Variants in PTPN14 observed in about 807,000 individuals in gnomAD.
PTPN14 encodes the protein tyrosine-protein phosphatase non-receptor type 14.
PTPN14 carries 53 observed loss-of-function variants against 126.8 expected under a neutral mutation model. The ratio of observed to expected loss-of-function variants is 0.42; its 90% CI spans 0.34 to 0.53. The LOEUF (loss-of-function observed/expected upper bound fraction) is 0.53. PTPN14 is among the 20% of genes least tolerant of loss of function. PTPN14 has a pLI of 0.08. For missense variants in PTPN14, 1,257 were observed against 1,552.9 expected (o/e 0.81, Z 3.20); for synonymous variants, 630 against 599.3 (o/e 1.05, Z -0.75).
intron 3 of PTPN14, among the ~76,000 whole-genome samples, chr1:214,424,037 C>A (rs1350788894): frequency 1.3e-5 from 2 of 151,456 alleles, no homozygotes; most frequent in Non-Finnish European, 2.9e-5. Context: ...GTGGCTCATG[C>A]CTGTAATCCC....
intron 1 of PTPN14, among the ~76,000 whole-genome samples, chr1:214,548,186 T>A (rs1348237551): frequency 1.3e-5 from 2 of 152,094 alleles, no homozygotes; most frequent in Non-Finnish European, 2.9e-5. Flanking sequence ...CCATCCAACA[T>A]CACACAGCTA....
intron 2 of PTPN14, among the ~76,000 whole-genome samples, chr1:214,461,450 C>T (rs4655348): frequency 0.83 from 125,806 of 151,776 alleles, 52,247 homozygotes; most frequent in African/African-American, 0.89. Context: ...CTGGGCAATA[C>T]AGTGAGATCC....
intron 17 of PTPN14, among the ~76,000 whole-genome samples, chr1:214,365,584 T>A (rs75371392): frequency 0.019 from 2,821 of 152,198 alleles, 89 homozygotes; most frequent in African/African-American, 0.064. Context: ...AAGGCAAAAG[T>A]GTAAACCAGA....
At position 214,411,696 on chromosome 1, in the gene PTPN14, C is replaced by T; in HGVS notation, c.498G>A (p.Val166=). ...AAATTACACTTACCATAGGAAATAG[C>T]ACATACTCTCTGAGGAAATCTTGAG... ...FDSQDFLREY[V]LFPMDLALEE... Residue 166 remains valine, a synonymous_variant, in exon 5 of 19, where the codon GTG becomes GTA. Transcript: ENST00000366956. 2.0e-6 allele frequency: 3 copies of T among 1,503,950 alleles called. No homozygotes were observed. Among genetic ancestry groups the T allele is most frequent in the Non-Finnish European group, 2.8e-6 (3 of 1,090,014 alleles). The allele number at this position is 1,503,950 out of a possible 1,614,324, so 93.2% of individuals were successfully genotyped here.
intron 3 of PTPN14, among the ~76,000 whole-genome samples, chr1:214,435,024 T>C (rs1167191276): frequency 1.3e-5 from 2 of 152,216 alleles, no homozygotes; most frequent in African/African-American, 2.4e-5. Context: ...GAATTTGTAT[T>C]GGGCTGCATT....
At chr1:214,432,232 C>T (rs967531853) in intron 3 of PTPN14, among the ~76,000 whole-genome samples, 2 of 151,882 alleles carry the variant, frequency 1.3e-5, no homozygotes, top group African/African-American at 4.8e-5. Context: ...TAAATAAATG[C>T]CACAATACTT....
intron 3 of PTPN14, among the ~76,000 whole-genome samples, chr1:214,425,960 T>C (rs1297499607): frequency 1.4e-5 from 2 of 147,124 alleles, no homozygotes; most frequent in African/African-American, 5.0e-5. Flanking sequence ...TACAGTCAAG[T>C]GCTCTTTTAT....
chr1:214,464,610 C>T lies in PTPN14; in HGVS notation c.174+20G>A, dbSNP rs1269581553. The T allele has an allele frequency of 5.6e-6, 9 of 1,611,758 alleles. No homozygotes were observed. Among genetic ancestry groups the T allele is most frequent in the Non-Finnish European group, 7.6e-6 (9 of 1,178,058 alleles). ...ACACGCATGCACGCGCACATGCGCA[C>T]ACAGACACACCCCTCTTACCTCTCG... is the stretch of plus-strand genomic sequence containing the variant. On this transcript the variant is annotated intron_variant, in intron 2 of 18. Coordinates refer to ENST00000366956, the MANE Select transcript of PTPN14 (RefSeq NM_005401.5).
At chr1:214,452,118 G>T (rs1660285551) in intron 2 of PTPN14, 144 bp from the exon 3 acceptor site, 2 of 876,374 alleles carry the variant, frequency 2.3e-6, no homozygotes, top group South Asian at 1.8e-5. Flanking sequence ...ATAACTTTGG[G>T]ACTAATCAAA....
At chr1:214,433,581 T>A (rs1045521395) in intron 3 of PTPN14, among the ~76,000 whole-genome samples, 3 of 151,860 alleles carry the variant, frequency 2.0e-5, no homozygotes, top group Non-Finnish European at 4.4e-5. Flanking sequence ...ATAGTCGTCA[T>A]CACCACTCTG....
intron 18 of PTPN14, among the ~76,000 whole-genome samples, chr1:214,361,156 G>T (rs1448199081): frequency 2.0e-5 from 3 of 152,140 alleles, no homozygotes; most frequent in African/African-American, 7.2e-5. Flanking sequence ...ATAGCAGTGT[G>T]AGAATGGACT....
At chr1:214,395,887 C>T (rs1217943115) in intron 8 of PTPN14, among the ~76,000 whole-genome samples, 8 of 152,084 alleles carry the variant, frequency 5.3e-5, no homozygotes, top group Non-Finnish European at 8.8e-5. Flanking sequence ...CTCTGGGAGT[C>T]ACCTTCTCTA....
At chr1:214,462,078 C>G (rs1421004830) in intron 2 of PTPN14, among the ~76,000 whole-genome samples, 1 of 152,072 alleles carries the variant, frequency 6.6e-6, no homozygotes, top group Non-Finnish European at 1.5e-5. Context: ...CCCAAAAGGG[C>G]ACAACTTCAA....
intron 1 of PTPN14, among the ~76,000 whole-genome samples, chr1:214,521,242 C>T (rs542191950): frequency 1.3e-5 from 2 of 152,324 alleles, no homozygotes; most frequent in African/African-American, 4.8e-5. Flanking sequence ...CACGAGTATG[C>T]TGTTTTCACA....
At chr1:214,490,847 A>AGGG (rs1307615965) in intron 1 of PTPN14, among the ~76,000 whole-genome samples, 2 of 39,046 alleles carry the variant, frequency 5.1e-5, no homozygotes, top group African/African-American at 1.3e-4. Context: ...AAGGAAAGGA[A>AGGG]AGGAAGGGAA....
chr1:214,522,089 G>A (rs1013219875), intron 1 of PTPN14, among the ~76,000 whole-genome samples: 18 of 151,470 alleles, frequency 1.2e-4, no homozygotes, highest in South Asian at 1.0e-3. Flanking sequence ...GGTGTGCACC[G>A]TCACACCCGG....
intron 1 of PTPN14, among the ~76,000 whole-genome samples, chr1:214,512,082 G>T (rs1359331578): frequency 2.0e-5 from 3 of 151,976 alleles, no homozygotes; most frequent in African/African-American, 7.2e-5. Flanking sequence ...TGAGGCCCCT[G>T]CCCCAGCACA....
Position 214,464,711 on chromosome 1 carries a change from A to C in PTPN14, c.93T>G (p.Asn31Lys), listed in dbSNP as rs757605436. ...CCACCGACAGCGTGCACTCGATAAC[A>C]TTGCTGTCCAGCAGGCGAATCCGTG... is the stretch of plus-strand genomic sequence containing the variant. ...FVTRIRLLDSNVIECTLSVES... is the reference protein window; with the variant it reads ...FVTRIRLLDSKVIECTLSVES... Residue 31 changes from asparagine to lysine, a missense_variant, in exon 2 of 19, where the codon AAT (asparagine) becomes AAG (lysine). Transcript: ENST00000366956. The C allele has an allele frequency of 3.1e-6, 5 of 1,614,232 alleles. No individual in the cohort carries two copies.
At chr1:214,464,568 T>C (rs751497297) in intron 2 of PTPN14, 62 bp downstream of exon 2, 310 of 1,572,858 alleles carry the variant, frequency 2.0e-4, no homozygotes, top group Non-Finnish European at 2.1e-4. Context: ...TTCGGTGAGT[T>C]CTCCTTCACA....
Sources: gnomAD v4.1 joint callset for allele counts (sites outside exome capture counted in the v4.1 genomes callset) on GRCh38, gnomAD v4.1.1 for gene constraint, MANE v1.5 for transcripts, NCBI Gene and HGNC (gene_info 2026-07-23, HGNC 2026-07-21) for gene names.